Variants in PEX26 observed in about 807,000 individuals in gnomAD.
PEX26 encodes the protein peroxisome assembly protein 26.
Under a neutral mutation model 31.4 loss-of-function variants are expected in PEX26, and 18 were observed. The ratio of observed to expected loss-of-function variants is 0.57; its 90% CI spans 0.40 to 0.85. PEX26 has a LOEUF of 0.85. PEX26 is among the 40% of genes least tolerant of loss of function. The pLI, the probability that PEX26 is intolerant of heterozygous loss-of-function variation, is 0.00. For missense variants in PEX26, 377 were observed against 383.9 expected (o/e 0.98, Z 0.15); for synonymous variants, 176 against 166.9 (o/e 1.05, Z -0.42).
chr22:18,080,423 G>A (rs1926518924), intron 2 of PEX26, among the ~76,000 whole-genome samples: 3 of 152,154 alleles, frequency 2.0e-5, no homozygotes, highest in African/African-American at 7.2e-5. Flanking sequence ...TCCACCTCCC[G>A]GGTTCACACC....
rs188099605 is a variant in PEX26, at chr22:18,093,723, G to T, written c.*5648G>T. ...GTATCTAGCAACATTGCAGTATGAA[G>T]AAAAGAGATGCCCCGGGTACGACCC... On this transcript the variant is annotated 3_prime_UTR_variant, in exon 5 of 5. Transcript: ENST00000399744. The T allele has an allele frequency of 5.3e-5, 8 of 152,348 alleles. No individual in the cohort carries two copies. The highest frequency in any genetic ancestry group is 1.7e-4 in the African/African-American group (7 of 41,578). 9.4% of individuals were successfully genotyped at this position (152,348 alleles called of 1,614,324 possible).
Position 18,101,068 on chromosome 22 carries a change from A to G in PEX26, c.*12993A>G, listed in dbSNP as rs1016529901. ...AGCAGATAATCATGGAATTCTCAAC[A>G]TCATATCCACTAGGTTAGGCTGAGG... On this transcript the variant is annotated 3_prime_UTR_variant, in exon 5 of 5. Transcript: ENST00000399744. 6.6e-6 allele frequency: 1 copy of G among 152,172 alleles called. No individual in the cohort carries two copies. Among genetic ancestry groups the G allele is most frequent in the African/African-American group, 2.4e-5 (1 of 41,434 alleles). 9.4% of individuals were successfully genotyped at this position (152,172 alleles called of 1,614,324 possible).
At position 18,103,036 on chromosome 22, in the gene PEX26, G is replaced by T. The variant is rs1234954446; in HGVS notation, c.*14961G>T. ...GGAGGCAGAGGTGGCAGTGAGCCGA[G>T]ATCGTGCGATCGTGCTATTGCACTC... On this transcript the variant is annotated 3_prime_UTR_variant, in exon 5 of 5. Coordinates refer to ENST00000399744, the MANE Select transcript of PEX26 (RefSeq NM_001127649.3). The T allele has an allele frequency of 6.9e-6, 1 of 144,954 alleles. No individual in the cohort carries two copies. The highest frequency in any genetic ancestry group is 2.0e-4 in the East Asian group (1 of 4,952). 9.0% of individuals were successfully genotyped at this position (144,954 alleles called of 1,614,324 possible).
rs923262468 is a variant in PEX26 at position 18,078,015 on chromosome 22, C to T, written c.-362C>T. ...GCGCGGCTGCGGGGCTGGGCGAGCG[C>T]AAAGATGTCCGCGCCCGCTGCCGGG... On this transcript the variant is annotated 5_prime_UTR_variant, in exon 1 of 5. Transcript: ENST00000399744. 5 of 467,182 alleles carry T rather than the reference C, an allele frequency of 1.1e-5. No individual in the cohort carries two copies. In the East Asian group the frequency reaches 1.8e-4, roughly 17 times the overall value. 28.9% of individuals were successfully genotyped at this position (467,182 alleles called of 1,614,324 possible).
chr22:18,083,063 C>T (rs977537744), intron 2 of PEX26, among the ~76,000 whole-genome samples: 9 of 152,106 alleles, frequency 5.9e-5, no homozygotes, highest in East Asian at 1.9e-4. Flanking sequence ...TTACTGAATC[C>T]GTTTATTAGT....
chr22:18,080,756 A>T (rs1205988557), intron 2 of PEX26, among the ~76,000 whole-genome samples: 1 of 152,198 alleles, frequency 6.6e-6, no homozygotes, highest in African/African-American at 2.4e-5. Flanking sequence ...CCATCACCTC[A>T]TGCATTTATC....
chr22:18,086,568 T>G (rs1602466906), intron 4 of PEX26, among the ~76,000 whole-genome samples: 1 of 152,224 alleles, frequency 6.6e-6, no homozygotes, highest in African/African-American at 2.4e-5. Flanking sequence ...GCTCCCTAAG[T>G]GATATTTGGG....
rs368118099 is a variant in PEX26 at position 18,078,474 on chromosome 22, C to T, written c.98C>T (p.Pro33Leu). 1.0e-4 allele frequency: 160 copies of T among 1,573,312 alleles called. No individual in the cohort carries two copies. The highest frequency in any genetic ancestry group is 9.0e-5 in the Non-Finnish European group (105 of 1,162,178). Residue 33 changes from proline (P) to leucine (L), a missense_variant, in exon 1 of 5, where the codon CCG (proline) becomes CTG (leucine). By Grantham distance (98) the Pro-to-Leu change is moderately conservative. Transcript: ENST00000399744. Reference sequence around the variant, plus strand: ...GTGCGCGCGGTCCCGGCCCGGGCGCCGGCCGTGGACCTTCTGGAGGAGGCG... The same window carrying T: ...GTGCGCGCGGTCCCGGCCCGGGCGCTGGCCGTGGACCTTCTGGAGGAGGCG... ...EPVRAVPARA[P>L]AVDLLEEAAD...
rs942475381 is a variant in PEX26, at chr22:18,101,868, A to AT, written c.*13795dup. 2 of 162,162 alleles carry AT rather than the reference A, an allele frequency of 1.2e-5. No individual in the cohort carries two copies. Among genetic ancestry groups the AT allele is most frequent in the Admixed American group, 1.3e-4 (2 of 15,548 alleles). The allele number at this position is 162,162 out of a possible 1,614,324, so 10.0% of individuals were successfully genotyped here. A position where few individuals can be genotyped will look rare whatever the true frequency, so the allele number is the denominator to read the frequency against. On this transcript the variant is annotated 3_prime_UTR_variant, in exon 5 of 5. Transcript: ENST00000399744. ...GGAGAATTCGACAACGCCTGGCATG[A>AT]TTGAGGGTGACACATCACGGCAGAT...
intron 4 of PEX26, among the ~76,000 whole-genome samples, chr22:18,085,705 C>T (rs551908752): frequency 6.6e-6 from 1 of 152,114 alleles, no homozygotes; most frequent in East Asian, 1.9e-4. Context: ...CCCATCTCTA[C>T]TAAAGATACA....
Position 18,083,732 on chromosome 22 carries a change from G to A in PEX26, c.667G>A (p.Gly223Ser), listed in dbSNP as rs899632797. ...GGAGGCCCAGAAGCCAAACCTGGAA[G>A]GTAGGACATTATCCCTCTGCGACCT... ...SEEAQKPNLE[G>S]SVSHKFLSLP... The change falls in exon 3 of 5, where the codon GGC (glycine) becomes AGC (serine). Residue 223 changes from glycine (G) to serine (S), a missense_variant and splice_region_variant. Physicochemically the swap from Gly to Ser is moderately conservative, Grantham distance 56. Coordinates refer to ENST00000399744, the MANE Select transcript of PEX26 (RefSeq NM_001127649.3). 7 of 1,613,776 alleles carry A rather than the reference G, an allele frequency of 4.3e-6. No homozygotes were observed. Among genetic ancestry groups the A allele is most frequent in the Middle Eastern group, 1.7e-4 (1 of 5,818 alleles).
intron 4 of PEX26, 59 bp from the exon 5 acceptor site, chr22:18,087,913 T>C (rs1458997752): frequency 2.7e-6 from 3 of 1,099,646 alleles, no homozygotes; most frequent in Non-Finnish European, 4.2e-6. Flanking sequence ...GGGTGGGAGA[T>C]GGCAGAGTGA....
intron 4 of PEX26, among the ~76,000 whole-genome samples, chr22:18,086,235 G>A (rs1209049646): frequency 6.6e-6 from 1 of 152,138 alleles, no homozygotes; most frequent in African/African-American, 2.4e-5. Flanking sequence ...GGAGGCGGAG[G>A]TTGCAGTGAG....
chr22:18,085,131 C>T lies in PEX26; in HGVS notation c.687C>T (p.Phe229=). The T allele has an allele frequency of 6.2e-7, 1 of 1,614,126 alleles. No individual in the cohort carries two copies. Among genetic ancestry groups the T allele is most frequent in the Admixed American group, 1.7e-5 (1 of 60,018 alleles). ...GGCCAGGCTCTGTCTCCCACAAGTT[C>T]CTGTCACTACCGATGTTGGTTCGCC... is the stretch of plus-strand genomic sequence containing the variant. ...PNLEGSVSHK[F]LSLPMLVRQL... The change falls in exon 4 of 5, where the codon TTC becomes TTT. Residue 229 remains phenylalanine, a synonymous_variant. Transcript: ENST00000399744.
rs1282659346 is a variant in PEX26, at chr22:18,101,465, C to T, written c.*13390C>T. 6.4e-6 allele frequency: 1 copy of T among 155,620 alleles called. No individual in the cohort carries two copies. The highest frequency in any genetic ancestry group is 1.4e-5 in the Non-Finnish European group (1 of 70,290). 9.6% of individuals were successfully genotyped at this position (155,620 alleles called of 1,614,324 possible). A position where few individuals can be genotyped will look rare whatever the true frequency, so the allele number is the denominator to read the frequency against. On this transcript the variant is annotated 3_prime_UTR_variant, in exon 5 of 5. Coordinates refer to ENST00000399744, the MANE Select transcript of PEX26 (RefSeq NM_001127649.3). Reference sequence around the variant, plus strand: ...TGACCTTCCTCTGACCCTTTTCCCTCAACTGCTTGGTGGGGAGTAGCGAGG... The same window carrying T: ...TGACCTTCCTCTGACCCTTTTCCCTTAACTGCTTGGTGGGGAGTAGCGAGG...
In PEX26 at chr22:18,085,133, T is replaced by C. The variant is rs987969559; in HGVS notation, c.689T>C (p.Leu230Pro). ...NLEGSVSHKF[L>P]SLPMLVRQLW... The stretch of plus-strand genomic sequence containing the variant: ...CCAGGCTCTGTCTCCCACAAGTTCC[T>C]GTCACTACCGATGTTGGTTCGCCAG... The change falls in exon 4 of 5, where the codon CTG (leucine) becomes CCG (proline). Residue 230 changes from leucine (L) to proline (P), a missense_variant. Physicochemically the swap from Leu to Pro is moderately conservative, Grantham distance 98. Coordinates refer to ENST00000399744, the MANE Select transcript of PEX26 (RefSeq NM_001127649.3). 1.9e-6 allele frequency: 3 copies of C among 1,614,158 alleles called. No individual in the cohort carries two copies. Among genetic ancestry groups the C allele is most frequent in the Non-Finnish European group, 2.5e-6 (3 of 1,180,010 alleles).
rs373556425 is a variant in PEX26, at chr22:18,087,446, T to G, written c.815-526T>G. Among the ~76,000 whole-genome samples, 8 of 152,348 alleles carry G rather than the reference T, an allele frequency of 5.3e-5. No homozygotes were observed. In the East Asian group the frequency reaches 1.4e-3, roughly 26 times the overall value. On this transcript the variant is annotated intron_variant, in intron 4 of 4. Transcript: ENST00000399744. ...TGCTGAATGCTGAGCAGGGATCCCC[T>G]GTGGACGACTCTGTTTGCTTTACAA... is the stretch of plus-strand genomic sequence containing the variant.
In PEX26 at chr22:18,093,132, TAC is replaced by T. The variant is rs1927169606; in HGVS notation, c.*5059_*5060del. On this transcript the variant is annotated 3_prime_UTR_variant, in exon 5 of 5. Coordinates refer to ENST00000399744, the MANE Select transcript of PEX26 (RefSeq NM_001127649.3). The stretch of plus-strand genomic sequence containing the variant: ...TTTGTTTTTTCTTTGTGCAGATACA[TAC>T]AGAGACTGGGATATGTAAAAATTAA... 1 of 152,146 alleles carries T rather than the reference TAC, an allele frequency of 6.6e-6. No individual in the cohort carries two copies. The highest frequency in any genetic ancestry group is 6.6e-5 in the Admixed American group (1 of 15,264). The allele number at this position is 152,146 out of a possible 1,614,324, so 9.4% of individuals were successfully genotyped here.
intron 3 of PEX26, among the ~76,000 whole-genome samples, chr22:18,084,237 C>CTTTTTTTTTTTTTTTTTTT (rs362041): frequency 3.1e-5 from 3 of 95,320 alleles, no homozygotes. Flanking sequence ...ATCTCTCTCT[C>CTTTTTTTTTTTTTTTTTTT]TTTTTTTTTT....
Sources: gnomAD v4.1 joint callset for allele counts (sites outside exome capture counted in the v4.1 genomes callset) on GRCh38, gnomAD v4.1.1 for gene constraint, MANE v1.5 for transcripts, NCBI Gene and HGNC (gene_info 2026-07-23, HGNC 2026-07-21) for gene names.